Variants in PEX5L observed in about 807,000 individuals in gnomAD.
The protein encoded by PEX5L is PEX5-related protein.
In PEX5L, 30 loss-of-function variants were observed where a neutral mutation model predicts 84.0. That is an observed-to-expected ratio of 0.36 (90% CI 0.27 to 0.48). The LOEUF (loss-of-function observed/expected upper bound fraction) is 0.48, where lower values mean the gene tolerates loss of function less well. PEX5L is among the 20% of genes least tolerant of loss of function. PEX5L has a pLI of 0.99. For missense variants in PEX5L, 533 were observed against 754.6 expected (o/e 0.71, Z 3.44); for synonymous variants, 270 against 283.1 (o/e 0.95, Z 0.46).
At chr3:179,961,640 A>G (rs1347849347) in intron 2 of PEX5L, among the ~76,000 whole-genome samples, 1 of 152,350 alleles carries the variant, frequency 6.6e-6, no homozygotes, top group South Asian at 2.1e-4. Flanking sequence ...ATATGAAAAT[A>G]AGAAAAATAT....
At chr3:179,932,011 A>G (rs74778024) in intron 2 of PEX5L, among the ~76,000 whole-genome samples, 4 of 152,318 alleles carry the variant, frequency 2.6e-5, no homozygotes, top group South Asian at 4.1e-4. Flanking sequence ...AAATATTTCT[A>G]TGTACAAGGA....
At chr3:179,866,338 G>A (rs1748135472) in intron 7 of PEX5L, among the ~76,000 whole-genome samples, 1 of 152,184 alleles carries the variant, frequency 6.6e-6, no homozygotes, top group South Asian at 2.1e-4. Context: ...TTGACTGACA[G>A]AATAACACGG....
chr3:179,964,026 G>A (rs1017082564), intron 2 of PEX5L, among the ~76,000 whole-genome samples: 18 of 152,044 alleles, frequency 1.2e-4, no homozygotes, highest in Admixed American at 9.8e-4. Flanking sequence ...TGCATGTCAC[G>A]GGGATATGCT....
chr3:179,845,845 G>A (rs546586093), intron 8 of PEX5L, among the ~76,000 whole-genome samples: 1 of 152,280 alleles, frequency 6.6e-6, no homozygotes, highest in African/African-American at 2.4e-5. Context: ...ACTACCAGGG[G>A]TTCCAGAGAA....
chr3:179,854,112 A>G (rs1742992215), intron 8 of PEX5L, among the ~76,000 whole-genome samples: 1 of 147,946 alleles, frequency 6.8e-6, no homozygotes, highest in African/African-American at 2.5e-5. Flanking sequence ...CACCTCCCAG[A>G]GGACTAGGAT....
chr3:180,004,132 T>G (rs6784113), intron 1 of PEX5L, among the ~76,000 whole-genome samples: 1 of 152,310 alleles, frequency 6.6e-6, no homozygotes, highest in Non-Finnish European at 1.5e-5. Flanking sequence ...AATTTATTTT[T>G]TGCCGTTGAA....
intron 7 of PEX5L, among the ~76,000 whole-genome samples, chr3:179,863,848 G>T (rs1435344480): frequency 1.3e-5 from 2 of 152,096 alleles, no homozygotes; most frequent in Non-Finnish European, 2.9e-5. Flanking sequence ...ATATGGTTTG[G>T]CTGTGTCCCC....
intron 4 of PEX5L, among the ~76,000 whole-genome samples, chr3:179,880,537 T>TTTAAACACAATACTTTA (rs1753834186): frequency 6.6e-6 from 1 of 152,230 alleles, no homozygotes; most frequent in Non-Finnish European, 1.5e-5. Context: ...GTGTTTTAAT[T>TTTAAACACAATACTTTA]TTAAACAATA....
chr3:179,878,796 CT>C (rs1009163575), intron 5 of PEX5L, among the ~76,000 whole-genome samples: 6 of 152,136 alleles, frequency 3.9e-5, no homozygotes, highest in Admixed American at 1.3e-4. Context: ...TGTGGGTTTT[CT>C]TTCATTGCTA....
chr3:179,884,334 G>T (rs1425293131), intron 4 of PEX5L, among the ~76,000 whole-genome samples: 1 of 152,180 alleles, frequency 6.6e-6, no homozygotes, highest in Non-Finnish European at 1.5e-5. Context: ...CTCTTATAAA[G>T]TGCAGTTAGG....
At position 179,969,768 on chromosome 3, in the gene PEX5L, G is replaced by A. The variant is rs77773080; in HGVS notation, c.93+1826C>T. On this transcript the variant is annotated intron_variant, in intron 2 of 14. Coordinates refer to ENST00000467460, the MANE Select transcript of PEX5L (RefSeq NM_016559.3). ...TCACTGCCAAACAGTACCAACTTGT[G>A]CAATGGCACTGGAAGAAATGTGATA... is the stretch of plus-strand genomic sequence containing the variant. Among the ~76,000 whole-genome samples the A allele has an allele frequency of 4.0e-3, 603 of 152,236 alleles. 8 individuals are homozygous for A. Among genetic ancestry groups the A allele is most frequent in the African/African-American group, 0.013 (557 of 41,556 alleles).
At chr3:179,841,168 G>C (rs558809195) in intron 8 of PEX5L, among the ~76,000 whole-genome samples, 5 of 152,262 alleles carry the variant, frequency 3.3e-5, no homozygotes, top group African/African-American at 1.2e-4. Context: ...GTCTGCTGAC[G>C]AAAGCTTGAA....
chr3:179,858,963 A>G (rs530545016), intron 8 of PEX5L, 99 bp downstream of exon 8: 14 of 737,156 alleles, frequency 1.9e-5, no homozygotes, highest in Non-Finnish European at 3.4e-5. Flanking sequence ...CATGTCTATA[A>G]TGTAAGACCC....
chr3:179,933,429 A>C (rs1276280621), intron 2 of PEX5L, among the ~76,000 whole-genome samples: 1 of 143,316 alleles, frequency 7.0e-6, no homozygotes, highest in Non-Finnish European at 1.5e-5. Flanking sequence ...GAGATAATGG[A>C]GTCATATACA....
chr3:180,007,196 G>A (rs1038368317), intron 1 of PEX5L, among the ~76,000 whole-genome samples: 4 of 152,158 alleles, frequency 2.6e-5, no homozygotes, highest in Non-Finnish European at 5.9e-5. Context: ...TGGCCAAAAC[G>A]AACGGGTAAC....
At chr3:179,847,755 C>T (rs1740147318) in intron 8 of PEX5L, among the ~76,000 whole-genome samples, 1 of 152,060 alleles carries the variant, frequency 6.6e-6, no homozygotes. Context: ...CTCTGTTGCC[C>T]AGGTGCAACA....
At chr3:180,001,725 A>C (rs546411440) in intron 1 of PEX5L, among the ~76,000 whole-genome samples, 2 of 152,212 alleles carry the variant, frequency 1.3e-5, no homozygotes, top group South Asian at 4.1e-4. Context: ...ACTTGACATA[A>C]ATGCTTTACT....
intron 9 of PEX5L, among the ~76,000 whole-genome samples, chr3:179,819,394 C>T (rs1164091908): frequency 6.6e-6 from 1 of 152,198 alleles, no homozygotes; most frequent in Non-Finnish European, 1.5e-5. Context: ...ATCTTTTCCA[C>T]AGAGTTTCTT....
intron 8 of PEX5L, among the ~76,000 whole-genome samples, chr3:179,847,398 T>C (rs1029699635): frequency 1.3e-5 from 2 of 152,128 alleles, no homozygotes; most frequent in Non-Finnish European, 2.9e-5. Context: ...ACTGATCACC[T>C]GGGAAGAAGA....
Sources: allele counts gnomAD v4.1 joint callset (sites outside exome capture counted in the v4.1 genomes callset), GRCh38; gene constraint gnomAD v4.1.1; transcripts MANE v1.5; gene names NCBI Gene and HGNC (gene_info 2026-07-23, HGNC 2026-07-21).